Variants in ROBO2 observed in about 807,000 individuals in gnomAD.
ROBO2 encodes roundabout guidance receptor 2.
A neutral mutation model predicts 160.8 loss-of-function variants in ROBO2; 53 were observed. The observed-to-expected ratio is 0.33, with a 90% CI of 0.26 to 0.41. The LOEUF (loss-of-function observed/expected upper bound fraction) is 0.41. ROBO2 is among the 10% of genes least tolerant of loss of function. The probability of loss-of-function intolerance (pLI) is 1.00; values close to 1 mark genes in which losing one functional copy is unlikely to be tolerated. For missense variants in ROBO2, 1,577 were observed against 1,722.4 expected, an observed-to-expected ratio of 0.92 and a Z score of 1.49; for synonymous variants, 664 against 611.7, an observed-to-expected ratio of 1.09 and a Z score of -1.26.
At chr3:76,677,619 T>C (rs1372597601) in intron 2 of ROBO2, among the ~76,000 whole-genome samples, 1 of 152,024 alleles carries the variant, frequency 6.6e-6, no homozygotes, top group Non-Finnish European at 1.5e-5. Context: ...GAGTGCGAGG[T>C]GGCAGAAAAA....
At chr3:76,789,922 G>A (rs1182718793) in intron 2 of ROBO2, among the ~76,000 whole-genome samples, 2 of 151,632 alleles carry the variant, frequency 1.3e-5, no homozygotes, top group Non-Finnish European at 3.0e-5. Context: ...GTAATTTGTA[G>A]AGCACAGTCT....
intron 2 of ROBO2, among the ~76,000 whole-genome samples, chr3:76,438,594 G>A (rs2076787756): frequency 1.3e-5 from 2 of 151,862 alleles, no homozygotes; most frequent in African/African-American, 4.8e-5. Context: ...AACAACTCAC[G>A]AGTAAAAATT....
intron 2 of ROBO2, among the ~76,000 whole-genome samples, chr3:76,272,946 A>ACATATTT (rs1553693135): frequency 3.5e-5 from 1 of 28,882 alleles, no homozygotes; most frequent in Non-Finnish European, 8.9e-5. Flanking sequence ...AAATATATAA[A>ACATATTT]ATATATAATA....
At chr3:76,471,645 C>A (rs953050248) in intron 2 of ROBO2, among the ~76,000 whole-genome samples, 6 of 152,062 alleles carry the variant, frequency 3.9e-5, no homozygotes, top group Admixed American at 3.9e-4. Context: ...TAGTTTTCAT[C>A]AAATTAATAT....
chr3:76,027,686 C>G (rs1477951526), intron 2 of ROBO2, among the ~76,000 whole-genome samples: 1 of 151,848 alleles, frequency 6.6e-6, no homozygotes, highest in Non-Finnish European at 1.5e-5. Flanking sequence ...GGAGGAAAAG[C>G]TAAAGAGAGA....
At chr3:77,260,733 A>G (rs1178772889) in intron 2 of ROBO2, among the ~76,000 whole-genome samples, 1 of 152,198 alleles carries the variant, frequency 6.6e-6, no homozygotes, top group Non-Finnish European at 1.5e-5. Flanking sequence ...TTATTCGATG[A>G]CAGTAGGACT....
chr3:77,304,708 T>G (rs191255638), intron 2 of ROBO2, among the ~76,000 whole-genome samples: 32 of 152,342 alleles, frequency 2.1e-4, no homozygotes, highest in Admixed American at 4.6e-4. Context: ...AAGTGTTTTA[T>G]GGACCTTAAA....
intron 2 of ROBO2, among the ~76,000 whole-genome samples, chr3:76,768,673 A>G (rs1441940984): frequency 2.0e-5 from 3 of 150,616 alleles, no homozygotes; most frequent in Non-Finnish European, 1.5e-5. Flanking sequence ...TAATATGTAA[A>G]ACTTTAGTTT....
chr3:76,128,707 G>A (rs916400666), intron 2 of ROBO2, among the ~76,000 whole-genome samples: 2 of 151,980 alleles, frequency 1.3e-5, no homozygotes, highest in Admixed American at 1.3e-4. Flanking sequence ...CTTTGGCTGG[G>A]TAATCCCAGC....
intron 2 of ROBO2, among the ~76,000 whole-genome samples, chr3:76,551,557 G>C (rs1391006233): frequency 6.6e-6 from 1 of 152,098 alleles, no homozygotes; most frequent in African/African-American, 2.4e-5. Context: ...CACATTGTGG[G>C]CAACGAGAAG....
intron 2 of ROBO2, among the ~76,000 whole-genome samples, chr3:76,400,402 C>T (rs1307785838): frequency 1.3e-5 from 2 of 151,454 alleles, no homozygotes; most frequent in Non-Finnish European, 3.0e-5. Context: ...CTTTGAGTGG[C>T]ATAGAATATA....
intron 2 of ROBO2, among the ~76,000 whole-genome samples, chr3:77,376,154 C>CTTTTTTTTTTT (rs11425201): frequency 2.6e-5 from 3 of 115,524 alleles, no homozygotes; most frequent in African/African-American, 1.0e-4. Flanking sequence ...ATTTAACTTT[C>CTTTTTTTTTTT]TTTTTTTTTT....
intron 2 of ROBO2, among the ~76,000 whole-genome samples, chr3:77,032,779 G>A (rs542670182): frequency 2.0e-3 from 296 of 151,368 alleles, no homozygotes; most frequent in African/African-American, 6.9e-3. Flanking sequence ...TTTCTATTTG[G>A]CCATCCAAAA....
At chr3:77,494,840 C>T (rs1191216485) in intron 5 of ROBO2, among the ~76,000 whole-genome samples, 1 of 152,214 alleles carries the variant, frequency 6.6e-6, no homozygotes, top group African/African-American at 2.4e-5. Context: ...ATAATAGTTA[C>T]TGAGAGGTTC....
At chr3:77,152,455 A>C (rs1367098110) in intron 2 of ROBO2, among the ~76,000 whole-genome samples, 2 of 152,182 alleles carry the variant, frequency 1.3e-5, no homozygotes, top group East Asian at 3.8e-4. Flanking sequence ...TTTAATTCTA[A>C]CTAGCCAGAT....
In ROBO2 at chr3:76,352,724, G is replaced by C. The variant is rs2074950945; in HGVS notation, c.109+415122G>C. ...TGTGGATTGCAGAACCAGCAACTTT[G>C]GTCCTTTATGAGACAGAGTTTTATT... On this transcript the variant is annotated intron_variant, in intron 2 of 26. Coordinates refer to the ROBO2 transcript ENST00000487694. 2.6e-5 allele frequency among the ~76,000 whole-genome samples: 4 copies of C among 151,988 alleles called. No individual in the cohort carries two copies. In the South Asian group the frequency reaches 8.3e-4, roughly 32 times the overall value.
intron 2 of ROBO2, among the ~76,000 whole-genome samples, chr3:75,969,143 T>C (rs2107342614): frequency 6.7e-6 from 1 of 148,488 alleles, no homozygotes; most frequent in Admixed American, 6.8e-5. Context: ...ATATATATAA[T>C]ATTTATATTA....
chr3:76,136,602 T>C (rs907111860), intron 2 of ROBO2, among the ~76,000 whole-genome samples: 2 of 152,084 alleles, frequency 1.3e-5, no homozygotes, highest in Admixed American at 6.6e-5. Flanking sequence ...CATACATTGC[T>C]TGCAAGTTTA....
chr3:77,574,615 T>C, exon 14 of ROBO2: 1 of 1,613,400 alleles, frequency 6.2e-7, no homozygotes, highest in Non-Finnish European at 8.5e-7. Flanking sequence ...CTGAACGAAG[T>C]GCTGTCTTAG....
Sources: allele counts gnomAD v4.1 joint callset (sites outside exome capture counted in the v4.1 genomes callset), GRCh38; gene constraint gnomAD v4.1.1; transcripts MANE v1.5; gene names NCBI Gene and HGNC (gene_info 2026-07-23, HGNC 2026-07-21).